The following GNAL variants were observed in gnomAD, a reference collection of about 807,000 sequenced individuals.
GNAL encodes guanine nucleotide-binding protein G(olf) subunit alpha.
In GNAL, 18 loss-of-function variants were observed where a neutral mutation model predicts 55.1. The observed-to-expected ratio is 0.33, with a 90% CI of 0.23 to 0.48. The LOEUF is 0.48. Among genes scored for constraint, GNAL ranks in the 20% least tolerant of loss-of-function variants. The probability of loss-of-function intolerance (pLI) is 0.99; values close to 1 mark genes in which losing one functional copy is unlikely to be tolerated. For synonymous variants in GNAL, 253 were observed against 237.0 expected (o/e 1.07, Z -0.62); for missense variants, 412 against 614.1 (o/e 0.67, Z 3.48).
At chr18:11,796,498 C>T (rs867544498) in intron 4 of GNAL, among the ~76,000 whole-genome samples, 6 of 143,724 alleles carry the variant, frequency 4.2e-5, no homozygotes, top group African/African-American at 1.6e-4. Context: ...GGTATGAACC[C>T]GGGAGGCGGA....
chr18:11,853,794 A>G (rs1161159387), intron 5 of GNAL: 1 of 166,330 alleles, frequency 6.0e-6, no homozygotes, highest in South Asian at 2.1e-4. Flanking sequence ...GTGCAGGGCC[A>G]TGTGTGAAGA....
intron 5 of GNAL, chr18:11,854,324 T>G (rs1011204490): frequency 1.2e-5 from 2 of 167,130 alleles, no homozygotes; most frequent in African/African-American, 4.8e-5. Context: ...TGTACATTTT[T>G]ATGAGTCATA....
intron 5 of GNAL, among the ~76,000 whole-genome samples, chr18:11,854,642 G>A (rs1007926673): frequency 6.6e-6 from 1 of 152,190 alleles, no homozygotes; most frequent in Admixed American, 6.5e-5. Context: ...TTAGCTGGGC[G>A]TGGTGCTGCA....
chr18:11,851,723 G>C (rs772566478), intron 5 of GNAL: 3 of 1,614,040 alleles, frequency 1.9e-6, no homozygotes, highest in Non-Finnish European at 2.5e-6. Flanking sequence ...ATGAGTGCGC[G>C]AGTCGATGCA....
chr18:11,873,065 A>G (rs575501151), intron 10 of GNAL, among the ~76,000 whole-genome samples: 1 of 152,238 alleles, frequency 6.6e-6, no homozygotes, highest in Admixed American at 6.5e-5. Flanking sequence ...AGAGTTGGTC[A>G]CTCCGTTTCC....
At chr18:11,758,388 G>A (rs1370440189) in intron 4 of GNAL, among the ~76,000 whole-genome samples, 4 of 152,160 alleles carry the variant, frequency 2.6e-5, no homozygotes, top group African/African-American at 9.7e-5. Flanking sequence ...AGTGATGGAT[G>A]ATAAAATTCT....
intron 1 of GNAL, among the ~76,000 whole-genome samples, chr18:11,708,030 C>A (rs2031754248): frequency 6.6e-6 from 1 of 152,200 alleles, no homozygotes; most frequent in Admixed American, 6.5e-5. Context: ...ATCCAGACCA[C>A]TCAAACTTTT....
intron 5 of GNAL, among the ~76,000 whole-genome samples, chr18:11,825,339 T>C (rs1422358898): frequency 1.3e-5 from 2 of 152,206 alleles, no homozygotes; most frequent in African/African-American, 4.8e-5. Flanking sequence ...TATGTTTTGA[T>C]TTTGGAGCAG....
intron 5 of GNAL, among the ~76,000 whole-genome samples, chr18:11,847,389 T>C (rs565632239): frequency 2.3e-4 from 35 of 150,928 alleles, no homozygotes; most frequent in African/African-American, 8.6e-4. Context: ...TTTTCACATC[T>C]TTTATTTTCT....
intron 1 of GNAL, among the ~76,000 whole-genome samples, chr18:11,706,447 T>A (rs527354406): frequency 6.6e-6 from 1 of 152,358 alleles, no homozygotes; most frequent in East Asian, 1.9e-4. Context: ...GGCTGCTGAC[T>A]GATCAGGGCG....
At chr18:11,777,257 C>T (rs750767027) in intron 4 of GNAL, among the ~76,000 whole-genome samples, 11 of 152,050 alleles carry the variant, frequency 7.2e-5, no homozygotes, top group South Asian at 2.1e-4. Context: ...ATGTGTCAGA[C>T]GACACTGAAT....
rs1379727963 is a variant in GNAL at position 11,752,452 on chromosome 18, A to G, written c.377-401A>G. ...GGCAGGCATGGGGTGTTTGGGCGGC[A>G]ACAGCAAGACGACGGAAGACCAGGG... On this transcript the variant is annotated intron_variant, in intron 1 of 11. Coordinates refer to ENST00000334049, the MANE Select transcript of GNAL (RefSeq NM_182978.4). This position sits in a 1 kb window ranked among gnomAD's most constrained non-coding sequence, Gnocchi z 4.5. The G allele has an allele frequency of 6.2e-7, 1 of 1,611,820 alleles. No homozygotes were observed. Among genetic ancestry groups the G allele is most frequent in the Admixed American group, 1.7e-5 (1 of 59,730 alleles).
chr18:11,707,520 A>G (rs185417597), intron 1 of GNAL, among the ~76,000 whole-genome samples: 1 of 152,308 alleles, frequency 6.6e-6, no homozygotes, highest in African/African-American at 2.4e-5. Flanking sequence ...CTGTTTTTCC[A>G]CTGATAGAGC....
chr18:11,727,901 A>G (rs1475977451), intron 1 of GNAL, among the ~76,000 whole-genome samples: 1 of 152,186 alleles, frequency 6.6e-6, no homozygotes, highest in Non-Finnish European at 1.5e-5. Context: ...AAGTTAATTT[A>G]TAGCTATTTG....
chr18:11,784,556 A>G (rs2034006575), intron 4 of GNAL, among the ~76,000 whole-genome samples: 1 of 152,266 alleles, frequency 6.6e-6, no homozygotes. Context: ...CTTGAGCAGA[A>G]GCAGATTGTA....
Position 11,862,391 on chromosome 18 carries a change from G to A in GNAL, c.723-4G>A, listed in dbSNP as rs775515862. The A allele has an allele frequency of 1.2e-6, 2 of 1,613,042 alleles. No individual in the cohort carries two copies. Among genetic ancestry groups the A allele is most frequent in the Admixed American group, 3.3e-5 (2 of 60,006 alleles). On this transcript the variant is annotated splice_region_variant and splice_polypyrimidine_tract_variant and intron_variant, in intron 5 of 11. Coordinates refer to ENST00000334049, the MANE Select transcript of GNAL (RefSeq NM_182978.4). Reference sequence around the variant, plus strand: ...GCCTCAACCCTTGCTGGCTTTCTTTGCAGCTTCCTGGAAAGAATCGACAGC... The same window carrying A: ...GCCTCAACCCTTGCTGGCTTTCTTTACAGCTTCCTGGAAAGAATCGACAGC...
At chr18:11,693,473 A>G (rs2031315490) in intron 1 of GNAL, among the ~76,000 whole-genome samples, 1 of 152,202 alleles carries the variant, frequency 6.6e-6, no homozygotes, top group Non-Finnish European at 1.5e-5. Context: ...TTGTTTATCA[A>G]TTTTATATAG....
intron 1 of GNAL, chr18:11,747,108 A>G: frequency 2.4e-6 from 1 of 417,194 alleles, no homozygotes; most frequent in Non-Finnish European, 4.8e-6. Flanking sequence ...TGGTGTTCTC[A>G]GCGCAGATCG....
chr18:11,840,632 G>T (rs963632417), intron 5 of GNAL, among the ~76,000 whole-genome samples: 17 of 152,112 alleles, frequency 1.1e-4, no homozygotes, highest in African/African-American at 3.9e-4. Flanking sequence ...ACTTCCCTTT[G>T]TTACCCTTTG....
Sources: allele counts gnomAD v4.1 joint callset (sites outside exome capture counted in the v4.1 genomes callset), GRCh38; gene constraint gnomAD v4.1.1; non-coding constraint Gnocchi (gnomAD v3.1); transcripts MANE v1.5; gene names NCBI Gene and HGNC (gene_info 2026-07-23, HGNC 2026-07-21).